NOBOX: variants seen among roughly 807,000 people sequenced by gnomAD.
NOBOX encodes NOBOX oogenesis homeobox, also known as homeobox protein NOBOX.
A neutral mutation model predicts 60.2 loss-of-function variants in NOBOX; 46 were observed. The observed-to-expected ratio is 0.76, with a 90% CI of 0.60 to 0.98. NOBOX has a LOEUF of 0.98. Among genes scored for constraint, NOBOX ranks in the 50% least tolerant of loss-of-function variants. NOBOX has a pLI of 0.00. For missense variants in NOBOX, 880 were observed against 865.5 expected (o/e 1.02, Z -0.21); for synonymous variants, 360 against 346.3 (o/e 1.04, Z -0.44).
chr7:144,404,552 G>T lies in NOBOX; in HGVS notation c.210+4C>A. 6.2e-7 allele frequency: 1 copy of T among 1,612,178 alleles called. No homozygotes were observed. Among genetic ancestry groups the T allele is most frequent in the Non-Finnish European group, 8.5e-7 (1 of 1,179,252 alleles). On this transcript the variant is annotated splice_donor_region_variant and intron_variant, in intron 2 of 9. Transcript: ENST00000467773. Reference sequence around the variant, plus strand: ...GCGTGAGCCACAGCGCTCGCCCCCCGTACTGATTTGAGGGTCTCCAGAGCA... The same window carrying T: ...GCGTGAGCCACAGCGCTCGCCCCCCTTACTGATTTGAGGGTCTCCAGAGCA...
At chr7:144,400,416 C>G in intron 4 of NOBOX, 104 bp from the exon 3 acceptor site, 2 of 995,426 alleles carry the variant, frequency 2.0e-6, no homozygotes, top group Non-Finnish European at 3.0e-6. Context: ...GGGGCCACTG[C>G]CCCTAACCCA....
At chr7:144,406,738 TTG>T (rs1464058171) in intron 1 of NOBOX, among the ~76,000 whole-genome samples, 1 of 152,338 alleles carries the variant, frequency 6.6e-6, no homozygotes, top group Middle Eastern at 3.4e-3. Flanking sequence ...TGGGAAGGTG[TTG>T]TGTTTTTGAT....
In NOBOX at chr7:144,397,332, T is replaced by G. The variant is rs749483359; in HGVS notation, c.1984A>C (p.Lys662Gln). ...GCAGCTGGTGGTTCCTCTTTTGCCT[T>G]GCTGAGTAAGGGCCCAGTCCCTGGT... Residue 662 changes from lysine to glutamine, a missense_variant, in exon 10 of 10, where the codon AAG (lysine) becomes CAG (glutamine). By Grantham distance (53) the Lys-to-Gln change is moderately conservative. Transcript: ENST00000467773. 6.5e-7 allele frequency: 1 copy of G among 1,537,298 alleles called. No homozygotes were observed. The highest frequency in any genetic ancestry group is 1.2e-5 in the South Asian group (1 of 84,062).
chr7:144,407,292 A>C (rs1260478373), intron 1 of NOBOX, among the ~76,000 whole-genome samples: 1 of 152,212 alleles, frequency 6.6e-6, no homozygotes, highest in Non-Finnish European at 1.5e-5. Flanking sequence ...CAAAACCACA[A>C]GGTAATGTGT....
chr7:144,407,128 AAAAG>A (rs1221798030), intron 1 of NOBOX, among the ~76,000 whole-genome samples: 1 of 147,318 alleles, frequency 6.8e-6, no homozygotes, highest in Admixed American at 7.0e-5. Context: ...TGCCAGAACA[AAAAG>A]AAAGGTGTCT....
Position 144,399,505 on chromosome 7 carries a change from C to T in NOBOX, c.1155-23G>A, listed in dbSNP as rs11769847. 921,886 of 1,547,152 alleles carry T rather than the reference C, an allele frequency of 0.6. 278,790 individuals carry two copies. The highest frequency in any genetic ancestry group is 0.8 in the South Asian group (67,293 of 84,168). On this transcript the variant is annotated intron_variant, in intron 6 of 9. Transcript: ENST00000467773. ...GAGCTGGAGGCAGGAAGAATGAAGA[C>T]TGTAGCTTTGGTGGTCTCTGGATTT... is the stretch of plus-strand genomic sequence containing the variant.
chr7:144,398,327 C>A lies in NOBOX; in HGVS notation c.1729G>T (p.Ala577Ser). 6.5e-7 allele frequency: 1 copy of A among 1,537,308 alleles called. No homozygotes were observed. Reference sequence around the variant, plus strand: ...TGCATCAGGATCTGTCCTGAGGAGGCACCTGGGCAATAGCCCTGCGATGTG... The same window carrying A: ...TGCATCAGGATCTGTCCTGAGGAGGAACCTGGGCAATAGCCCTGCGATGTG... Residue 577 changes from alanine (A) to serine (S), a missense_variant, in exon 9 of 10, where the codon GCC (alanine) becomes TCC (serine). Ala to Ser is a moderately conservative substitution (Grantham distance 99). Transcript: ENST00000467773.
intron 1 of NOBOX, among the ~76,000 whole-genome samples, chr7:144,407,418 G>A (rs2053993311): frequency 6.6e-6 from 1 of 152,200 alleles, no homozygotes; most frequent in East Asian, 1.9e-4. Flanking sequence ...GGAGATTGTA[G>A]TCACAGCCAG....
In NOBOX at chr7:144,397,498, G is replaced by A; in HGVS notation, c.1818C>T (p.Phe606=). 2 of 1,536,402 alleles carry A rather than the reference G, an allele frequency of 1.3e-6. No homozygotes were observed. Among genetic ancestry groups the A allele is most frequent in the Middle Eastern group, 3.3e-4 (2 of 5,986 alleles). Residue 606 remains phenylalanine (F), a synonymous_variant, in exon 10 of 10, where the codon TTC becomes TTT. Coordinates refer to ENST00000467773, the MANE Select transcript of NOBOX (RefSeq NM_001080413.3). ...GAGCTTGTGGGCAGAACGGACCAGGGAAGGGCAGCTCTGGCAAACAGGGGT... is the reference window on the plus strand; with the variant it reads ...GAGCTTGTGGGCAGAACGGACCAGGAAAGGGCAGCTCTGGCAAACAGGGGT...
At position 144,400,322 on chromosome 7, in the gene NOBOX, G is replaced by A; in HGVS notation, c.845-10C>T. 1 of 1,612,974 alleles carries A rather than the reference G, an allele frequency of 6.2e-7. No homozygotes were observed. The highest frequency in any genetic ancestry group is 8.5e-7 in the Non-Finnish European group (1 of 1,179,134). ...AGCTCCTCCAGCTGATCTGAAAGAA[G>A]AAGAAACTTGTGTGAGGAGGACAAA... On this transcript the variant is annotated splice_polypyrimidine_tract_variant and intron_variant, in intron 4 of 9. Transcript: ENST00000467773.
At position 144,401,478 on chromosome 7, in the gene NOBOX, AGAT is replaced by A; in HGVS notation, c.409_411del (p.Ile137del). 6.4e-7 allele frequency: 1 copy of A among 1,569,128 alleles called. No homozygotes were observed. Among genetic ancestry groups the A allele is most frequent in the Non-Finnish European group, 8.6e-7 (1 of 1,159,620 alleles). On this transcript the variant is annotated inframe_deletion, in exon 4 of 10. Coordinates refer to ENST00000467773, the MANE Select transcript of NOBOX (RefSeq NM_001080413.3). This position sits in a 1 kb window ranked among gnomAD's most constrained non-coding sequence, Gnocchi z 4.2. ...ACTGCTGGCGGCTTCTTCTCTCCTG[AGAT>A]GGTGCAGGAGGGTGGCAGTTCCTCA...
intron 2 of NOBOX, among the ~76,000 whole-genome samples, chr7:144,404,272 G>C (rs377403533): frequency 6.6e-6 from 1 of 152,136 alleles, no homozygotes; most frequent in East Asian, 1.9e-4. Context: ...TTTTTGAGAC[G>C]GAGTCTTGCT....
rs2053918749 is a variant in NOBOX, at chr7:144,399,234, G to A, written c.1241-56C>T. On this transcript the variant is annotated intron_variant, in intron 7 of 9. Coordinates refer to ENST00000467773, the MANE Select transcript of NOBOX (RefSeq NM_001080413.3). ...CGGTAAGGAAATGGGAGGCAGGTTT[G>A]GCATCGCTGAATGGTAGACACAAGC... 3 of 998,954 alleles carry A rather than the reference G, an allele frequency of 3.0e-6. No homozygotes were observed. The South Asian group carries it at 4.6e-5, about 15-fold the overall frequency. 61.9% of individuals were successfully genotyped at this position (998,954 alleles called of 1,614,324 possible).
intron 1 of NOBOX, among the ~76,000 whole-genome samples, chr7:144,409,376 G>C (rs1310098649): frequency 1.3e-5 from 2 of 152,140 alleles, no homozygotes; most frequent in Non-Finnish European, 1.5e-5. Flanking sequence ...AAATGAAGAA[G>C]ATGCTATTTC....
Position 144,398,496 on chromosome 7 carries a change from G to T in NOBOX, c.1560C>A (p.Ser520=). Reference sequence around the variant, plus strand: ...GGAAAAGCGGGGGCTGTGGAGCCTGGGAGAACTGGAAGGGTCCTGGCTGGT... The same window carrying T: ...GGAAAAGCGGGGGCTGTGGAGCCTGTGAGAACTGGAAGGGTCCTGGCTGGT... Residue 520 remains serine (S), a synonymous_variant, in exon 9 of 10, where the codon TCC becomes TCA. Coordinates refer to ENST00000467773, the MANE Select transcript of NOBOX (RefSeq NM_001080413.3). 1 of 1,537,024 alleles carries T rather than the reference G, an allele frequency of 6.5e-7. No homozygotes were observed. Among genetic ancestry groups the T allele is most frequent in the Non-Finnish European group, 8.7e-7 (1 of 1,146,824 alleles).
intron 8 of NOBOX, 111 bp from the exon 7 acceptor site, chr7:144,398,697 C>T: frequency 1.3e-6 from 1 of 794,906 alleles, no homozygotes; most frequent in Non-Finnish European, 2.0e-6. Context: ...CATGGTAAGC[C>T]CAGCCTTGCA....
chr7:144,407,289 A>G (rs1436742299), intron 1 of NOBOX, among the ~76,000 whole-genome samples: 1 of 152,240 alleles, frequency 6.6e-6, no homozygotes, highest in Non-Finnish European at 1.5e-5. Context: ...AAGCAAAACC[A>G]CAAGGTAATG....
At position 144,398,993 on chromosome 7, in the gene NOBOX, C is replaced by A; in HGVS notation, c.1426G>T (p.Asp476Tyr). ...CAGGGGCCGTCCTTGTGGCTGCTGT[C>A]ACTGCCAGCAACATCCATCAGCAGT... The change falls in exon 8 of 10, where the codon GAC becomes TAC. Residue 476 changes from aspartate to tyrosine, a missense_variant. Coordinates refer to ENST00000467773, the MANE Select transcript of NOBOX (RefSeq NM_001080413.3). 1 of 1,580,348 alleles carries A rather than the reference C, an allele frequency of 6.3e-7. No individual in the cohort carries two copies. The highest frequency in any genetic ancestry group is 1.8e-5 in the Admixed American group (1 of 54,634).
intron 2 of NOBOX, among the ~76,000 whole-genome samples, chr7:144,403,438 G>A (rs887807701): frequency 1.3e-5 from 2 of 152,028 alleles, no homozygotes; most frequent in African/African-American, 2.4e-5. Context: ...GACTGGAGGC[G>A]GGCAGGGGGC....
Sources: gnomAD v4.1 joint callset for allele counts (sites outside exome capture counted in the v4.1 genomes callset) on GRCh38, gnomAD v4.1.1 for gene constraint, Gnocchi (gnomAD v3.1) non-coding constraint, MANE v1.5 for transcripts, NCBI Gene and HGNC (gene_info 2026-07-23, HGNC 2026-07-21) for gene names.